TBCK: variants seen among roughly 807,000 people sequenced by gnomAD.
TBCK encodes TBC1 domain containing kinase.
A neutral mutation model predicts 113.4 loss-of-function variants in TBCK; 99 were observed. The observed-to-expected ratio is 0.87, with a 90% CI of 0.74 to 1.03. The LOEUF (loss-of-function observed/expected upper bound fraction) is 1.03, where lower values mean the gene tolerates loss of function less well. Among genes scored for constraint, TBCK ranks in the 50% least tolerant of loss-of-function variants. The probability of loss-of-function intolerance (pLI) is 0.00; values close to 1 mark genes in which losing one functional copy is unlikely to be tolerated. For synonymous variants in TBCK, 369 were observed against 370.8 expected (o/e 1.00, Z 0.05); for missense variants, 1,045 against 1,061.3 (o/e 0.98, Z 0.21).
At position 106,256,340 on chromosome 4, in the gene TBCK, G is replaced by A. The variant is rs142828156; in HGVS notation, c.455+4097C>T. On this transcript the variant is annotated intron_variant, in intron 5 of 25. Coordinates refer to ENST00000394708, the MANE Select transcript of TBCK (RefSeq NM_001163435.3). ...CACGGAGCGCCTGCCCGCCAGCACT[G>A]AGCTGCCCTCAGCCCCCCTTCAGAC... Among the ~76,000 whole-genome samples, 483 of 152,272 alleles carry A rather than the reference G, an allele frequency of 3.2e-3. 7 individuals carry two copies. Among genetic ancestry groups the A allele is most frequent in the Admixed American group, 0.029 (439 of 15,304 alleles).
intron 24 of TBCK, 96 bp from the exon 25 acceptor site, chr4:106,095,737 T>A: frequency 9.9e-7 from 1 of 1,009,372 alleles, no homozygotes; most frequent in Non-Finnish European, 1.4e-6. Flanking sequence ...AAGATAGTAC[T>A]AAACATCTTC....
intron 3 of TBCK, among the ~76,000 whole-genome samples, chr4:106,270,648 C>T (rs778627101): frequency 6.6e-6 from 1 of 152,052 alleles, no homozygotes; most frequent in Non-Finnish European, 1.5e-5. Flanking sequence ...TGATTTGAGA[C>T]CAATTCACAT....
intron 23 of TBCK, among the ~76,000 whole-genome samples, chr4:106,127,432 A>G (rs1180530724): frequency 6.6e-6 from 1 of 152,106 alleles, no homozygotes; most frequent in Non-Finnish European, 1.5e-5. Flanking sequence ...AGAAATTACA[A>G]ATCAGAAAAA....
intron 23 of TBCK, among the ~76,000 whole-genome samples, chr4:106,167,728 T>C (rs1750557473): frequency 1.3e-5 from 2 of 151,762 alleles, no homozygotes; most frequent in Non-Finnish European, 1.5e-5. Flanking sequence ...AGGAATACTA[T>C]GAACCATTCT....
intron 23 of TBCK, among the ~76,000 whole-genome samples, chr4:106,151,870 GTT>G (rs1437114351): frequency 6.6e-6 from 1 of 151,578 alleles, no homozygotes; most frequent in Admixed American, 6.6e-5. Context: ...TACTTTCCTG[GTT>G]TCTTCTTCAG....
chr4:106,311,370 T>C (rs147935935), intron 1 of TBCK, among the ~76,000 whole-genome samples: 70 of 152,198 alleles, frequency 4.6e-4, no homozygotes, highest in Middle Eastern at 3.4e-3. Flanking sequence ...TTCACCTGTA[T>C]ACATAATGAA....
At chr4:106,304,598 A>C (rs1767307310) in intron 2 of TBCK, among the ~76,000 whole-genome samples, 1 of 152,176 alleles carries the variant, frequency 6.6e-6, no homozygotes, top group African/African-American at 2.4e-5. Context: ...TTATAGTCCA[A>C]CTAAAAAAAT....
intron 23 of TBCK, among the ~76,000 whole-genome samples, chr4:106,145,343 CAA>C (rs1214475899): frequency 1.3e-5 from 2 of 152,002 alleles, no homozygotes; most frequent in Non-Finnish European, 2.9e-5. Context: ...CAAAACAAAA[CAA>C]AAAAACTTGT....
At chr4:106,212,637 C>T in intron 20 of TBCK, 113 bp downstream of exon 20, 1 of 652,286 alleles carries the variant, frequency 1.5e-6, no homozygotes. Flanking sequence ...GTAGCAGTAA[C>T]TTGTTCAGAT....
intron 14 of TBCK, among the ~76,000 whole-genome samples, chr4:106,235,669 T>C (rs1759373022): frequency 6.6e-6 from 1 of 151,968 alleles, no homozygotes; most frequent in Admixed American, 6.6e-5. Flanking sequence ...TGGAGGATAA[T>C]AGTACCAGTC....
At chr4:106,174,309 A>T (rs183102269) in intron 22 of TBCK, among the ~76,000 whole-genome samples, 15 of 152,246 alleles carry the variant, frequency 9.9e-5, no homozygotes, top group Admixed American at 2.0e-4. Flanking sequence ...AGCTACAAAG[A>T]AAGAGTACAC....
intron 23 of TBCK, among the ~76,000 whole-genome samples, chr4:106,122,156 G>A (rs967809218): frequency 2.0e-5 from 3 of 151,294 alleles, no homozygotes; most frequent in Non-Finnish European, 4.4e-5. Context: ...AAAGAGAGAA[G>A]AATCAAATAG....
chr4:106,105,023 C>A (rs927679370), intron 24 of TBCK, among the ~76,000 whole-genome samples: 1 of 152,244 alleles, frequency 6.6e-6, no homozygotes, highest in African/African-American at 2.4e-5. Context: ...AGTGCGAACT[C>A]AGCAACTCCC....
chr4:106,071,481 G>T (rs2149477495), intron 25 of TBCK, among the ~76,000 whole-genome samples: 1 of 152,268 alleles, frequency 6.6e-6, no homozygotes, highest in Middle Eastern at 3.4e-3. Flanking sequence ...TATAATTTCT[G>T]TTCTTTTGCA....
At chr4:106,253,020 G>GTACC (rs1356456549) in intron 5 of TBCK, among the ~76,000 whole-genome samples, 2 of 152,110 alleles carry the variant, frequency 1.3e-5, no homozygotes, top group African/African-American at 4.8e-5. Context: ...GAACACCCAT[G>GTACC]TACCAAGAAG....
At position 106,262,084 on chromosome 4, in the gene TBCK, G is replaced by T. The variant is rs775448907; in HGVS notation, c.381+14C>A. On this transcript the variant is annotated intron_variant, in intron 4 of 25. Transcript: ENST00000394708. Reference sequence around the variant, plus strand: ...AATGATATATAAATATTTATTACATGATTTAACAATTACCTTTCGGTCCAA... The same window carrying T: ...AATGATATATAAATATTTATTACATTATTTAACAATTACCTTTCGGTCCAA... 2.0e-5 allele frequency: 28 copies of T among 1,424,332 alleles called. No individual in the cohort carries two copies. The African/African-American group carries it at 3.6e-4, about 18-fold the overall frequency. The allele number at this position is 1,424,332 out of a possible 1,614,324, so 88.2% of individuals were successfully genotyped here.
At chr4:106,186,559 T>C (rs1001450928) in intron 22 of TBCK, among the ~76,000 whole-genome samples, 17 of 152,198 alleles carry the variant, frequency 1.1e-4, no homozygotes, top group Admixed American at 5.9e-4. Flanking sequence ...TTCATGTACT[T>C]TTTACATTTT....
At chr4:106,198,770 T>C (rs562368973) in intron 20 of TBCK, among the ~76,000 whole-genome samples, 2 of 152,230 alleles carry the variant, frequency 1.3e-5, no homozygotes, top group Admixed American at 1.3e-4. Flanking sequence ...ATTTATTCAA[T>C]ATGAAATGCT....
At chr4:106,273,024 C>T (rs1279583626) in intron 3 of TBCK, among the ~76,000 whole-genome samples, 2 of 152,128 alleles carry the variant, frequency 1.3e-5, no homozygotes, top group African/African-American at 4.8e-5. Flanking sequence ...GATAACCATA[C>T]CACAACCACT....
Sources: gnomAD v4.1 joint callset for allele counts (sites outside exome capture counted in the v4.1 genomes callset) on GRCh38, gnomAD v4.1.1 for gene constraint, MANE v1.5 for transcripts, NCBI Gene and HGNC (gene_info 2026-07-23, HGNC 2026-07-21) for gene names.